The following EPHA6 variants were observed in gnomAD, a reference collection of about 807,000 sequenced individuals.
EPHA6 encodes the protein ephrin type-A receptor 6.
EPHA6 carries 50 observed loss-of-function variants against 112.0 expected under a neutral mutation model. The observed-to-expected ratio is 0.45, with a 90% confidence interval of 0.36 to 0.56. The LOEUF (loss-of-function observed/expected upper bound fraction) is 0.56. Ranked by LOEUF, EPHA6 falls within the 20% of genes least tolerant of loss-of-function variation. EPHA6 has a pLI of 0.00. For missense variants in EPHA6, 1,280 were observed against 1,417.4 expected (o/e 0.90, Z 1.56); for synonymous variants, 529 against 490.7 (o/e 1.08, Z -1.03).
chr3:97,598,456 C>T (rs1469445472), intron 12 of EPHA6, among the ~76,000 whole-genome samples: 26 of 134,580 alleles, frequency 1.9e-4, no homozygotes, highest in African/African-American at 5.6e-4. Context: ...TGATATTCCC[C>T]TTCCTGTGTC....
intron 2 of EPHA6, among the ~76,000 whole-genome samples, chr3:96,867,953 T>G (rs1354616523): frequency 6.6e-6 from 1 of 151,928 alleles, no homozygotes; most frequent in Admixed American, 6.6e-5. Context: ...GCGAGTTTAT[T>G]TTTCTGAAAT....
chr3:97,065,889 A>G (rs961382810), intron 3 of EPHA6, among the ~76,000 whole-genome samples: 4 of 152,084 alleles, frequency 2.6e-5, no homozygotes, highest in African/African-American at 9.7e-5. Context: ...TTTTTTAAAA[A>G]AATCCTAGTA....
At chr3:97,056,870 A>G (rs1460135322) in intron 3 of EPHA6, among the ~76,000 whole-genome samples, 1 of 152,158 alleles carries the variant, frequency 6.6e-6, no homozygotes, top group Non-Finnish European at 1.5e-5. Flanking sequence ...ATTTTTCATA[A>G]TACATTACAC....
intron 14 of EPHA6, among the ~76,000 whole-genome samples, chr3:97,716,574 C>CAAAAAAAAAAAAAAAAAAAAAAA (rs1218426459): frequency 2.7e-5 from 1 of 37,272 alleles, no homozygotes; most frequent in Non-Finnish European, 4.9e-5. Flanking sequence ...GACTCCGTCT[C>CAAAAAAAAAAAAAAAAAAAAAAA]AAAAAAAAAA....
At chr3:96,836,205 A>T (rs2034401355) in intron 1 of EPHA6, among the ~76,000 whole-genome samples, 1 of 152,110 alleles carries the variant, frequency 6.6e-6, no homozygotes, top group South Asian at 2.1e-4. Flanking sequence ...ATGAATAACT[A>T]TCTGGCAAAA....
intron 6 of EPHA6, among the ~76,000 whole-genome samples, chr3:97,420,629 A>G (rs2088542172): frequency 6.6e-6 from 1 of 152,076 alleles, no homozygotes; most frequent in Admixed American, 6.6e-5. Context: ...CTTTCAAGGA[A>G]CCCATCATTT....
At chr3:97,268,300 C>A (rs2079761365) in intron 5 of EPHA6, among the ~76,000 whole-genome samples, 1 of 152,164 alleles carries the variant, frequency 6.6e-6, no homozygotes, top group African/African-American at 2.4e-5. Context: ...AACTGCAAGG[C>A]AGGCTGGAAG....
chr3:96,952,759 G>A (rs921057036), intron 2 of EPHA6, among the ~76,000 whole-genome samples: 2 of 151,906 alleles, frequency 1.3e-5, no homozygotes, highest in African/African-American at 2.4e-5. Context: ...TTCTTTTGAC[G>A]GGAAATCAAA....
At chr3:96,955,868 G>T (rs2041736833) in intron 2 of EPHA6, among the ~76,000 whole-genome samples, 1 of 152,280 alleles carries the variant, frequency 6.6e-6, no homozygotes, top group Admixed American at 6.5e-5. Context: ...TTACTCACAA[G>T]TAGGAACAAA....
intron 3 of EPHA6, among the ~76,000 whole-genome samples, chr3:97,085,951 A>ATATATATATATATATATATG (rs1434635976): frequency 8.2e-5 from 12 of 145,878 alleles, no homozygotes; most frequent in African/African-American, 3.3e-4. Context: ...ATATATATAC[A>ATATATATATATATATATATG]CACTGAGATG....
At chr3:97,550,205 G>A (rs2093010724) in intron 11 of EPHA6, among the ~76,000 whole-genome samples, 4 of 152,134 alleles carry the variant, frequency 2.6e-5, no homozygotes. Flanking sequence ...AACATTTTAT[G>A]ATCTCTCACA....
chr3:97,323,547 A>G (rs2082222637), intron 5 of EPHA6, among the ~76,000 whole-genome samples: 1 of 151,900 alleles, frequency 6.6e-6, no homozygotes, highest in South Asian at 2.1e-4. Flanking sequence ...AAGTCATGGG[A>G]GTTTAAAAAG....
intron 2 of EPHA6, among the ~76,000 whole-genome samples, chr3:96,901,779 C>T (rs993167190): frequency 6.6e-6 from 1 of 152,060 alleles, no homozygotes; most frequent in African/African-American, 2.4e-5. Flanking sequence ...TTTCTTAAGA[C>T]TTTTCAGGTT....
At chr3:97,169,769 T>G (rs1310224704) in intron 3 of EPHA6, among the ~76,000 whole-genome samples, 1 of 152,196 alleles carries the variant, frequency 6.6e-6, no homozygotes, top group Non-Finnish European at 1.5e-5. Context: ...ATAAATGAAT[T>G]GCTTTTCCCA....
At chr3:97,254,605 C>G (rs973037641) in intron 5 of EPHA6, among the ~76,000 whole-genome samples, 1 of 152,130 alleles carries the variant, frequency 6.6e-6, no homozygotes, top group African/African-American at 2.4e-5. Context: ...TAGTTTTACA[C>G]TTATAAGGTG....
At chr3:97,430,145 G>GA (rs2089417473) in intron 6 of EPHA6, among the ~76,000 whole-genome samples, 1 of 152,056 alleles carries the variant, frequency 6.6e-6, no homozygotes, top group Non-Finnish European at 1.5e-5. Context: ...TCAAACTGAT[G>GA]AAAAAATTGG....
chr3:96,883,871 C>T (rs2037469662), intron 2 of EPHA6, among the ~76,000 whole-genome samples: 1 of 152,032 alleles, frequency 6.6e-6, no homozygotes, highest in African/African-American at 2.4e-5. Flanking sequence ...AGGGTTTCAC[C>T]ATGTTGGCCA....
chr3:96,996,054 A>C (rs1339048180), intron 3 of EPHA6, among the ~76,000 whole-genome samples: 1 of 152,126 alleles, frequency 6.6e-6, no homozygotes, highest in African/African-American at 2.4e-5. Context: ...TTATCAACTA[A>C]GTTGAAATAA....
chr3:96,906,737 T>TC (rs1246105527), intron 2 of EPHA6, among the ~76,000 whole-genome samples: 1 of 151,694 alleles, frequency 6.6e-6, no homozygotes, highest in African/African-American at 2.4e-5. Flanking sequence ...AGCCATTGGG[T>TC]TAATAGGTGG....
Sources: allele counts gnomAD v4.1 joint callset (sites outside exome capture counted in the v4.1 genomes callset), GRCh38; gene constraint gnomAD v4.1.1; transcripts MANE v1.5; gene names NCBI Gene and HGNC (gene_info 2026-07-23, HGNC 2026-07-21).